DCDC2: variants seen among roughly 807,000 people sequenced by gnomAD.
The protein encoded by DCDC2 is doublecortin domain-containing protein 2.
A neutral mutation model predicts 50.2 loss-of-function variants in DCDC2; 40 were observed. That is an observed-to-expected ratio of 0.80 (90% CI 0.62 to 1.04). The LOEUF is 1.04. DCDC2 is among the 50% of genes least tolerant of loss of function. The pLI is 0.00. For synonymous variants in DCDC2, 234 were observed against 210.6 expected (o/e 1.11, Z -0.96); for missense variants, 570 against 581.9 (o/e 0.98, Z 0.21).
At chr6:24,322,022 T>C (rs1740097712) in intron 2 of DCDC2, among the ~76,000 whole-genome samples, 2 of 152,218 alleles carry the variant, frequency 1.3e-5, no homozygotes, top group Non-Finnish European at 2.9e-5. Flanking sequence ...AATCGTTTCA[T>C]GGATTGCCTG....
intron 7 of DCDC2, among the ~76,000 whole-genome samples, chr6:24,246,540 T>C (rs1762678599): frequency 7.5e-6 from 1 of 133,252 alleles, no homozygotes; most frequent in African/African-American, 2.7e-5. Flanking sequence ...AGGCTGGAGT[T>C]CAGTGGCGTG....
rs565347196 is a variant in DCDC2 at position 24,323,679 on chromosome 6, C to T, written c.349-21635G>A. Among the ~76,000 whole-genome samples, 223 of 152,266 alleles carry T rather than the reference C, an allele frequency of 1.5e-3. 1 individual carries two copies. The highest frequency in any genetic ancestry group is 5.3e-3 in the African/African-American group (219 of 41,544). ...TCTTCATCTCTCTCCCTGTCTTCTC[C>T]CAATAATCAAGCACAAGTATGTACT... On this transcript the variant is annotated intron_variant, in intron 2 of 9. Transcript: ENST00000378454.
intron 7 of DCDC2, among the ~76,000 whole-genome samples, chr6:24,236,610 C>G (rs1306339282): frequency 1.3e-5 from 2 of 152,120 alleles, no homozygotes; most frequent in African/African-American, 4.8e-5. Context: ...AACAGACAAG[C>G]TACAGAATAG....
the DCDC2 span, among the ~76,000 whole-genome samples, chr6:24,381,524 C>T: frequency 6.6e-6 from 1 of 152,180 alleles, no homozygotes; most frequent in Non-Finnish European, 1.5e-5. Flanking sequence ...GGCCTGGCTG[C>T]AGAACAGCAG....
chr6:24,223,227 A>G (rs1762155678), intron 7 of DCDC2, among the ~76,000 whole-genome samples: 1 of 152,230 alleles, frequency 6.6e-6, no homozygotes, highest in Admixed American at 6.5e-5. Flanking sequence ...CCAATTTTAC[A>G]TTTAAATGTA....
chr6:24,265,571 T>G (rs1322811037), intron 7 of DCDC2, among the ~76,000 whole-genome samples: 1 of 152,154 alleles, frequency 6.6e-6, no homozygotes, highest in Non-Finnish European at 1.5e-5. Context: ...GTATCTTCTC[T>G]GACACAATGA....
intron 8 of DCDC2, among the ~76,000 whole-genome samples, chr6:24,201,519 T>C (rs941715931): frequency 1.3e-5 from 2 of 152,134 alleles, no homozygotes; most frequent in African/African-American, 4.8e-5. Flanking sequence ...AGAGGGAAAT[T>C]TGTAGCACTA....
chr6:24,355,203 GA>G (rs1760443677), intron 1 of DCDC2, among the ~76,000 whole-genome samples: 2 of 151,890 alleles, frequency 1.3e-5, no homozygotes, highest in Admixed American at 1.3e-4. Context: ...TGTATGAACT[GA>G]AAGCAAAAAT....
intron 7 of DCDC2, among the ~76,000 whole-genome samples, chr6:24,251,455 C>A (rs1212142582): frequency 6.6e-6 from 1 of 152,128 alleles, no homozygotes; most frequent in Non-Finnish European, 1.5e-5. Flanking sequence ...GTATGGCTAG[C>A]CCTAATTCCT....
chr6:24,359,100 T>G (rs1376308032), upstream of DCDC2, among the ~76,000 whole-genome samples: 2 of 59,578 alleles, frequency 3.4e-5, no homozygotes, highest in African/African-American at 8.0e-5. Flanking sequence ...TATTATATAT[T>G]TTATATATTA....
intron 6 of DCDC2, among the ~76,000 whole-genome samples, chr6:24,287,879 T>C (rs1421082055): frequency 3.9e-5 from 6 of 152,254 alleles, no homozygotes; most frequent in Admixed American, 3.9e-4. Flanking sequence ...TTCAAGTAGA[T>C]TGTAAGTTGC....
intron 2 of DCDC2, among the ~76,000 whole-genome samples, chr6:24,327,911 T>A (rs796210493): frequency 1.3e-5 from 2 of 152,336 alleles, no homozygotes; most frequent in African/African-American, 4.8e-5. Flanking sequence ...GCTTAATATA[T>A]GTTTAGCTTG....
chr6:24,358,762 T>TAATATATATATAATTATA (rs1433121367), upstream of DCDC2, among the ~76,000 whole-genome samples: 1 of 74,960 alleles, frequency 1.3e-5, no homozygotes, highest in Non-Finnish European at 2.4e-5. Context: ...TATTTATATA[T>TAATATATATATAATTATA]TATATATTTT....
chr6:24,342,543 G>A (rs796929683), intron 2 of DCDC2, among the ~76,000 whole-genome samples: 10 of 152,224 alleles, frequency 6.6e-5, no homozygotes, highest in African/African-American at 2.2e-4. Context: ...AGATTAGAGC[G>A]CATTTTGAAA....
chr6:24,244,183 T>C (rs1179498595), intron 7 of DCDC2, among the ~76,000 whole-genome samples: 1 of 152,102 alleles, frequency 6.6e-6, no homozygotes, highest in African/African-American at 2.4e-5. Flanking sequence ...TCAAAATAAA[T>C]AGACTATGCA....
chr6:24,358,993 T>C (rs1243486820), upstream of DCDC2, among the ~76,000 whole-genome samples: 32 of 68,706 alleles, frequency 4.7e-4, no homozygotes, highest in African/African-American at 1.8e-3. Context: ...ATATATTATA[T>C]ATTATATATT....
chr6:24,183,523 G>T (rs111781434), intron 8 of DCDC2, among the ~76,000 whole-genome samples: 26 of 152,104 alleles, frequency 1.7e-4, no homozygotes, highest in African/African-American at 6.0e-4. Context: ...AAACATGGCG[G>T]ATGGTTCCCC....
chr6:24,221,908 C>A (rs866716509), intron 7 of DCDC2, among the ~76,000 whole-genome samples: 5 of 152,164 alleles, frequency 3.3e-5, no homozygotes, highest in South Asian at 2.1e-4. Flanking sequence ...CTAAGTACAC[C>A]AACTAGACCA....
At chr6:24,376,758 A>AAAAAC in the DCDC2 span, among the ~76,000 whole-genome samples, 1 of 148,678 alleles carries the variant, frequency 6.7e-6, no homozygotes, top group Non-Finnish European at 1.5e-5. Flanking sequence ...AAAAAAAAAA[A>AAAAAC]TCCTAATAAT....
Sources: allele counts gnomAD v4.1 joint callset (sites outside exome capture counted in the v4.1 genomes callset), GRCh38; gene constraint gnomAD v4.1.1; transcripts MANE v1.5; gene names NCBI Gene and HGNC (gene_info 2026-07-23, HGNC 2026-07-21).